The following PTPN3 variants were observed in gnomAD, a reference collection of about 807,000 sequenced individuals.
PTPN3 encodes the protein tyrosine-protein phosphatase non-receptor type 3.
A neutral mutation model predicts 132.7 loss-of-function variants in PTPN3; 96 were observed. That is an observed-to-expected ratio of 0.72 (90% CI 0.61 to 0.86). PTPN3 has a LOEUF of 0.86. PTPN3 is among the 40% of genes least tolerant of loss of function. The probability of loss-of-function intolerance (pLI) is 0.00; values close to 1 mark genes in which losing one functional copy is unlikely to be tolerated. For synonymous variants in PTPN3, 398 were observed against 429.0 expected (o/e 0.93, Z 0.89); for missense variants, 1,125 against 1,159.6 (o/e 0.97, Z 0.43).
chr9:109,498,399 G>A (rs1414261443), upstream of PTPN3: 1 of 148,196 alleles, frequency 6.7e-6, no homozygotes, highest in Non-Finnish European at 1.5e-5. The surrounding 1 kb of genome is among the most constrained non-coding windows in gnomAD (Gnocchi z 4.2). Flanking sequence ...CGTCCGGGCT[G>A]GCCTGCGGTG....
rs536829211 is a variant in PTPN3 at position 109,434,894 on chromosome 9, G to C, written c.676-1733C>G. Among the ~76,000 whole-genome samples, 5 of 152,284 alleles carry C rather than the reference G, an allele frequency of 3.3e-5. No homozygotes were observed. In the East Asian group the frequency reaches 5.8e-4, roughly 18 times the overall value. ...CTTTGCCGTGGGACAAACCCTTTGT[G>C]AACCACAATGTGAACATGGAGTTAG... is the stretch of plus-strand genomic sequence containing the variant. On this transcript the variant is annotated intron_variant, in intron 9 of 25. Coordinates refer to ENST00000374541, the MANE Select transcript of PTPN3 (RefSeq NM_002829.4).
intron 1 of PTPN3, among the ~76,000 whole-genome samples, chr9:109,467,169 A>G (rs1014525344): frequency 6.6e-6 from 1 of 152,220 alleles, no homozygotes; most frequent in Non-Finnish European, 1.5e-5. Flanking sequence ...AAAAGTTATC[A>G]AAAGACAACA....
At chr9:109,431,932 G>A (rs1290084078) in intron 10 of PTPN3, among the ~76,000 whole-genome samples, 1 of 151,656 alleles carries the variant, frequency 6.6e-6, no homozygotes, top group African/African-American at 2.4e-5. Flanking sequence ...ATAAATCAAA[G>A]AAAATACACA....
At chr9:109,458,482 A>C (rs908183775) in intron 2 of PTPN3, among the ~76,000 whole-genome samples, 12 of 151,618 alleles carry the variant, frequency 7.9e-5, no homozygotes, top group African/African-American at 2.9e-4. Context: ...TAGAACAGGC[A>C]AAGGTAGCTC....
chr9:109,516,919 T>G, the PTPN3 span, among the ~76,000 whole-genome samples: 3 of 152,134 alleles, frequency 2.0e-5, no homozygotes, highest in African/African-American at 7.2e-5. Context: ...GTTAGGGGAC[T>G]TGCGAGGTGA....
chr9:109,438,018 G>C (rs1285384777), intron 8 of PTPN3, 96 bp downstream of exon 8: 62 of 1,376,302 alleles, frequency 4.5e-5, no homozygotes, highest in Non-Finnish European at 5.7e-5. Context: ...GAGGATTCAT[G>C]CACAAAAGAA....
intron 10 of PTPN3, chr9:109,429,057 C>A (rs546232214): frequency 3.5e-5 from 34 of 985,278 alleles, no homozygotes; most frequent in Non-Finnish European, 3.9e-5. Flanking sequence ...AGACCTGGTC[C>A]GAACCCCAGC....
chr9:109,523,480 C>T, the PTPN3 span, among the ~76,000 whole-genome samples: 1 of 136,762 alleles, frequency 7.3e-6, no homozygotes, highest in Non-Finnish European at 1.5e-5. Context: ...TACAAGAATG[C>T]TTTTCTTTCG....
At chr9:109,473,582 T>C (rs1846486557) in intron 1 of PTPN3, among the ~76,000 whole-genome samples, 1 of 152,186 alleles carries the variant, frequency 6.6e-6, no homozygotes, top group African/African-American at 2.4e-5. Context: ...GTAATGTTGC[T>C]ATAAAGAGAA....
At chr9:109,468,035 T>C (rs1846185533) in intron 1 of PTPN3, among the ~76,000 whole-genome samples, 1 of 152,214 alleles carries the variant, frequency 6.6e-6, no homozygotes, top group Non-Finnish European at 1.5e-5. Context: ...TTGAGCCATG[T>C]GGTATTTTCA....
intron 12 of PTPN3, among the ~76,000 whole-genome samples, chr9:109,426,193 A>G (rs897941943): frequency 3.3e-5 from 5 of 150,380 alleles, no homozygotes; most frequent in African/African-American, 1.2e-4. Context: ...AAATGTATAT[A>G]CGAATTATAT....
intron 14 of PTPN3, among the ~76,000 whole-genome samples, chr9:109,419,905 T>A (rs1564419882): frequency 6.6e-6 from 1 of 152,198 alleles, no homozygotes; most frequent in South Asian, 2.1e-4. Context: ...TAACAAAAAA[T>A]TTCTCAAAGA....
At position 109,381,777 on chromosome 9, in the gene PTPN3, C is replaced by G. The variant is rs1287578970; in HGVS notation, c.2539G>C (p.Gly847Arg). ...PVLVHCSAGI[G>R]RTGVLVTMET... is the part of the protein sequence containing the mutation. ...ATAGTGACCAACACACCGGTTCGAC[C>G]TATTCCAGCACTGGAGAGGGGAGAG... The change falls in exon 25 of 26, where the codon GGT (glycine) becomes CGT (arginine). Residue 847 changes from glycine (G) to arginine (R), a missense_variant. Gly to Arg is a moderately radical substitution (Grantham distance 125, BLOSUM62 -2). Transcript: ENST00000374541. The G allele has an allele frequency of 6.2e-7, 1 of 1,614,126 alleles. No homozygotes were observed. Among genetic ancestry groups the G allele is most frequent in the Non-Finnish European group, 8.5e-7 (1 of 1,180,052 alleles).
At chr9:109,388,359 C>T (rs1394437774) in intron 22 of PTPN3, among the ~76,000 whole-genome samples, 1 of 151,990 alleles carries the variant, frequency 6.6e-6, no homozygotes, top group Non-Finnish European at 1.5e-5. Context: ...AGTTCCAGGG[C>T]CAGAGATAGT....
At chr9:109,451,120 G>A in intron 5 of PTPN3, 1 of 967,760 alleles carries the variant, frequency 1.0e-6, no homozygotes, top group Non-Finnish European at 1.2e-6. Flanking sequence ...AGCTAGTCGT[G>A]GTGGTATGTG....
intron 19 of PTPN3, among the ~76,000 whole-genome samples, chr9:109,393,695 C>T (rs907293666): frequency 6.6e-6 from 1 of 152,072 alleles, no homozygotes; most frequent in African/African-American, 2.4e-5. Context: ...AGTTGCCCTA[C>T]AGGGATGTAT....
At chr9:109,393,382 G>C (rs1042033231) in intron 19 of PTPN3, among the ~76,000 whole-genome samples, 1 of 132,062 alleles carries the variant, frequency 7.6e-6, no homozygotes, top group East Asian at 2.2e-4. Flanking sequence ...GGTTTTTTTT[G>C]TCTTTTTTTT....
At position 109,457,209 on chromosome 9, in the gene PTPN3, G is replaced by T. The variant is rs1335156311; in HGVS notation, c.253C>A (p.Leu85Met). The change falls in exon 4 of 26, where the codon CTG becomes ATG. Residue 85 changes from leucine to methionine, a missense_variant. Coordinates refer to ENST00000374541, the MANE Select transcript of PTPN3 (RefSeq NM_002829.4). ...TTCCTGATGGCTTTGCTTGCTTCCA[G>T]CCATCTCTGTTGGACAAGAAAACAT... is the stretch of plus-strand genomic sequence containing the variant. ...DDDSVDSPRW[L>M]EASKAIRKQL... 6.2e-7 allele frequency: 1 copy of T among 1,613,966 alleles called. No individual in the cohort carries two copies. Among genetic ancestry groups the T allele is most frequent in the Non-Finnish European group, 8.5e-7 (1 of 1,179,900 alleles).
intron 14 of PTPN3, among the ~76,000 whole-genome samples, chr9:109,416,450 T>G (rs1002765331): frequency 7.1e-6 from 1 of 140,384 alleles, no homozygotes; most frequent in African/African-American, 2.6e-5. Context: ...TTTTTTTGTT[T>G]CTTTTTTTTT....
Sources: allele counts gnomAD v4.1 joint callset (sites outside exome capture counted in the v4.1 genomes callset), GRCh38; gene constraint gnomAD v4.1.1; non-coding constraint Gnocchi (gnomAD v3.1); transcripts MANE v1.5; gene names NCBI Gene and HGNC (gene_info 2026-07-23, HGNC 2026-07-21).